Variants in SNTG1 observed in about 807,000 individuals in gnomAD.
SNTG1 encodes gamma-1-syntrophin.
A neutral mutation model predicts 74.7 loss-of-function variants in SNTG1; 39 were observed. The ratio of observed to expected loss-of-function variants is 0.52; its 90% CI spans 0.40 to 0.68. The LOEUF is 0.68. SNTG1 is among the 30% of genes least tolerant of loss of function. The pLI is 0.00. For synonymous variants in SNTG1, 254 were observed against 217.1 expected, an observed-to-expected ratio of 1.17 and a Z score of -1.49; for missense variants, 685 against 609.5, an observed-to-expected ratio of 1.12 and a Z score of -1.30.
chr8:50,249,646 C>T (rs1030599269), intron 2 of SNTG1, among the ~76,000 whole-genome samples: 1 of 152,174 alleles, frequency 6.6e-6, no homozygotes, highest in Non-Finnish European at 1.5e-5. Flanking sequence ...ACCACCCTTG[C>T]CACTACAACA....
intron 1 of SNTG1, among the ~76,000 whole-genome samples, chr8:50,003,468 T>C (rs1814932526): frequency 6.6e-6 from 1 of 152,202 alleles, no homozygotes; most frequent in African/African-American, 2.4e-5. Context: ...AATTAAATTC[T>C]TGAACTGAAA....
At position 50,090,590 on chromosome 8, in the gene SNTG1, G is replaced by A. The variant is rs16914268; in HGVS notation, c.-102-81971G>A. 5.5e-3 allele frequency among the ~76,000 whole-genome samples: 839 copies of A among 152,206 alleles called. 11 individuals carry two copies. The highest frequency in any genetic ancestry group is 0.018 in the African/African-American group (762 of 41,532). The stretch of plus-strand genomic sequence containing the variant: ...AACTCTTTAAGTTATTAGCTTGGCC[G>A]GGTGAAGACAATGAGCTAATTGGGT... On this transcript the variant is annotated intron_variant, in intron 1 of 18. Coordinates refer to ENST00000642720, the MANE Select transcript of SNTG1 (RefSeq NM_018967.5).
At chr8:50,608,220 A>T (rs2094826546) in intron 13 of SNTG1, among the ~76,000 whole-genome samples, 1 of 151,630 alleles carries the variant, frequency 6.6e-6, no homozygotes, top group Non-Finnish European at 1.5e-5. Context: ...TGTCAAACTG[A>T]CTGATAGTTT....
At chr8:50,542,713 G>C (rs1401092371) in intron 11 of SNTG1, among the ~76,000 whole-genome samples, 2 of 152,180 alleles carry the variant, frequency 1.3e-5, no homozygotes, top group Non-Finnish European at 2.9e-5. Flanking sequence ...TTCACCAACA[G>C]TGCATAAGGA....
intron 1 of SNTG1, among the ~76,000 whole-genome samples, chr8:49,913,282 AGT>A (rs1175700282): frequency 1.3e-5 from 2 of 152,220 alleles, no homozygotes; most frequent in African/African-American, 4.8e-5. Flanking sequence ...CTGTGAAAAG[AGT>A]CTACCCCTTT....
chr8:50,625,571 T>G (rs2094951051), intron 13 of SNTG1, among the ~76,000 whole-genome samples: 1 of 152,202 alleles, frequency 6.6e-6, no homozygotes, highest in African/African-American at 2.4e-5. Context: ...GTTTTGATCA[T>G]TGTCAGTTAC....
At chr8:50,222,759 A>G (rs990704602) in intron 2 of SNTG1, among the ~76,000 whole-genome samples, 8 of 152,168 alleles carry the variant, frequency 5.3e-5, no homozygotes, top group Non-Finnish European at 1.0e-4. Context: ...TCAGCCTCAC[A>G]GCATCTCCAG....
intron 15 of SNTG1, among the ~76,000 whole-genome samples, chr8:50,668,510 T>C (rs957119256): frequency 6.0e-5 from 2 of 33,508 alleles, no homozygotes; most frequent in Non-Finnish European, 2.6e-4. Flanking sequence ...TTATTATTAT[T>C]ATTATTATTA....
At chr8:50,053,909 A>T (rs150119472) in intron 1 of SNTG1, among the ~76,000 whole-genome samples, 43 of 152,090 alleles carry the variant, frequency 2.8e-4, no homozygotes, top group African/African-American at 1.0e-3. Flanking sequence ...AAACACCAAA[A>T]CTATTGATTG....
At chr8:50,162,103 C>T (rs144439597) in intron 1 of SNTG1, among the ~76,000 whole-genome samples, 220 of 152,236 alleles carry the variant, frequency 1.4e-3, no homozygotes, top group African/African-American at 4.8e-3. Context: ...GAGAGCTTGA[C>T]TTGACTGCCA....
intron 3 of SNTG1, among the ~76,000 whole-genome samples, chr8:50,397,811 C>G (rs773052458): frequency 3.3e-5 from 5 of 152,116 alleles, no homozygotes; most frequent in Non-Finnish European, 7.4e-5. Context: ...AGCCTAGCTG[C>G]CTGTGTTGAA....
rs537513376 is a variant in SNTG1 at position 49,973,175 on chromosome 8, T to G, written c.-103+60944T>G. The stretch of plus-strand genomic sequence containing the variant: ...GTGGCACATATACACCATGGAATAC[T>G]ATGCAGCCATAAAAAAGATGAGTTC... On this transcript the variant is annotated intron_variant, in intron 1 of 18. Transcript: ENST00000642720. 1.8e-4 allele frequency among the ~76,000 whole-genome samples: 28 copies of G among 152,254 alleles called. No homozygotes were observed. The South Asian group carries it at 5.6e-3, about 30-fold the overall frequency.
chr8:50,493,542 T>C (rs1166128767), intron 8 of SNTG1, among the ~76,000 whole-genome samples: 1 of 152,122 alleles, frequency 6.6e-6, no homozygotes, highest in Non-Finnish European at 1.5e-5. Context: ...TTGGGCACCT[T>C]CCTAATACGC....
chr8:50,204,676 C>T (rs1051098987), intron 2 of SNTG1, among the ~76,000 whole-genome samples: 18 of 151,982 alleles, frequency 1.2e-4, no homozygotes, highest in African/African-American at 2.4e-5. Flanking sequence ...CCTGTTAACT[C>T]GTCATTTACA....
intron 4 of SNTG1, among the ~76,000 whole-genome samples, chr8:50,406,326 G>A (rs2092875860): frequency 6.6e-6 from 1 of 151,890 alleles, no homozygotes; most frequent in Non-Finnish European, 1.5e-5. Flanking sequence ...TATTTTCTTA[G>A]TTTACTTTTG....
At chr8:50,135,977 C>T (rs1462772228) in intron 1 of SNTG1, among the ~76,000 whole-genome samples, 5 of 152,132 alleles carry the variant, frequency 3.3e-5, no homozygotes, top group Non-Finnish European at 5.9e-5. Context: ...ATGTTTAGCT[C>T]CCAGTTATAA....
chr8:50,184,190 G>C (rs1239296042), intron 2 of SNTG1, among the ~76,000 whole-genome samples: 1 of 151,992 alleles, frequency 6.6e-6, no homozygotes, highest in African/African-American at 2.4e-5. Context: ...TTTTGAGATG[G>C]AGTCTTGCTC....
At chr8:50,320,365 T>C (rs1480630351) in intron 2 of SNTG1, among the ~76,000 whole-genome samples, 1 of 152,188 alleles carries the variant, frequency 6.6e-6, no homozygotes, top group Non-Finnish European at 1.5e-5. Flanking sequence ...TGTTTCATTT[T>C]TCATCTGTGA....
intron 5 of SNTG1, among the ~76,000 whole-genome samples, chr8:50,442,424 T>C (rs576122955): frequency 1.3e-5 from 2 of 152,060 alleles, no homozygotes; most frequent in Non-Finnish European, 2.9e-5. Flanking sequence ...TCCTCTCTTA[T>C]TAGAACCCTT....
Sources: gnomAD v4.1 joint callset for allele counts (sites outside exome capture counted in the v4.1 genomes callset) on GRCh38, gnomAD v4.1.1 for gene constraint, MANE v1.5 for transcripts, NCBI Gene and HGNC (gene_info 2026-07-23, HGNC 2026-07-21) for gene names.